CNBD1: variants seen among roughly 807,000 people sequenced by gnomAD.
The protein encoded by CNBD1 is cyclic nucleotide-binding domain-containing protein 1.
CNBD1 carries 71 observed loss-of-function variants against 54.4 expected under a neutral mutation model. That is an observed-to-expected ratio of 1.30 (90% CI 1.08 to 1.59). The LOEUF (loss-of-function observed/expected upper bound fraction) is 1.59. Among genes scored for constraint, CNBD1 ranks in the 40% most tolerant of loss-of-function variants. The pLI, the probability that CNBD1 is intolerant of heterozygous loss-of-function variation, is 0.00. For synonymous variants in CNBD1, 182 were observed against 170.7 expected (o/e 1.07, Z -0.51); for missense variants, 659 against 518.0 (o/e 1.27, Z -2.64).
intron 2 of CNBD1, among the ~76,000 whole-genome samples, chr8:87,388,699 T>C (rs577182971): frequency 6.6e-6 from 1 of 152,230 alleles, no homozygotes; most frequent in East Asian, 1.9e-4. Flanking sequence ...CCATTCCTTC[T>C]GAAACTATTC....
chr8:87,322,674 G>A (rs1293389629), intron 8 of CNBD1, among the ~76,000 whole-genome samples: 1 of 76,496 alleles, frequency 1.3e-5, no homozygotes, highest in Non-Finnish European at 2.8e-5. Flanking sequence ...TTGTAAATTT[G>A]TTTGAGTTCA....
chr8:86,985,091 T>C (rs1456617739), intron 4 of CNBD1, among the ~76,000 whole-genome samples: 1 of 152,150 alleles, frequency 6.6e-6, no homozygotes, highest in Non-Finnish European at 1.5e-5. Flanking sequence ...CTTGTGATAG[T>C]GAATAAGTCT....
chr8:87,160,120 TATC>T (rs1325967528), intron 4 of CNBD1, among the ~76,000 whole-genome samples: 4 of 152,050 alleles, frequency 2.6e-5, no homozygotes, highest in African/African-American at 9.7e-5. Context: ...GGAAGATGAT[TATC>T]ATATCATTTG....
intron 10 of CNBD1, among the ~76,000 whole-genome samples, chr8:87,376,549 A>G (rs1810943489): frequency 6.6e-6 from 1 of 151,946 alleles, no homozygotes. Flanking sequence ...AAATATCCTG[A>G]CAGATGTGAA....
chr8:86,898,190 G>T (rs1808876586), intron 2 of CNBD1, among the ~76,000 whole-genome samples: 1 of 152,034 alleles, frequency 6.6e-6, no homozygotes, highest in Non-Finnish European at 1.5e-5. Flanking sequence ...ATATCTACTG[G>T]TTCACTGAAA....
intron 4 of CNBD1, among the ~76,000 whole-genome samples, chr8:87,114,551 A>G (rs1039235818): frequency 2.3e-4 from 35 of 150,138 alleles, no homozygotes; most frequent in African/African-American, 8.7e-4. Flanking sequence ...GGGTTTCACC[A>G]TGTTGGCCTG....
intron 4 of CNBD1, among the ~76,000 whole-genome samples, chr8:87,205,222 C>G (rs1479482159): frequency 6.6e-6 from 1 of 152,038 alleles, no homozygotes; most frequent in African/African-American, 2.4e-5. Context: ...TTAGTAGAGA[C>G]AGGGTTTCAC....
At chr8:86,947,682 G>A (rs1324765786) in intron 4 of CNBD1, among the ~76,000 whole-genome samples, 1 of 151,990 alleles carries the variant, frequency 6.6e-6, no homozygotes, top group Admixed American at 6.6e-5. Flanking sequence ...GAGATGTTTT[G>A]ATACAGGCAT....
chr8:87,205,974 ATTTTT>A lies in CNBD1; in HGVS notation c.432-8_432-4del. ...TTTATGCCATGGTCTCTGAATTTGT[ATTTTT>A]TTTTTTTTTTGAGGCCCATTCACAG... On this transcript the variant is annotated splice_polypyrimidine_tract_variant and intron_variant, in intron 4 of 10. Coordinates refer to ENST00000518476, the MANE Select transcript of CNBD1 (RefSeq NM_173538.3). 5.5e-6 allele frequency: 7 copies of A among 1,281,160 alleles called. No individual in the cohort carries two copies. Among genetic ancestry groups the A allele is most frequent in the South Asian group, 5.4e-5 (3 of 55,638 alleles). 79.4% of individuals were successfully genotyped at this position (1,281,160 alleles called of 1,614,324 possible).
intron 4 of CNBD1, among the ~76,000 whole-genome samples, chr8:86,944,019 G>A (rs1199675637): frequency 6.6e-6 from 1 of 152,176 alleles, no homozygotes; most frequent in African/African-American, 2.4e-5. Context: ...GATTGTTGTA[G>A]TTTATTTTTA....
chr8:87,236,568 C>T (rs1183427317), intron 5 of CNBD1, among the ~76,000 whole-genome samples: 3 of 151,816 alleles, frequency 2.0e-5, no homozygotes, highest in African/African-American at 4.8e-5. Flanking sequence ...GGCTCATAAA[C>T]ATTAAAAAAC....
At position 87,194,850 on chromosome 8, in the gene CNBD1, A is replaced by G. The variant is rs1439604091; in HGVS notation, c.432-11143A>G. Among the ~76,000 whole-genome samples the G allele has an allele frequency of 2.0e-5, 3 of 150,946 alleles. No homozygotes were observed. In the East Asian group the frequency reaches 5.8e-4, roughly 29 times the overall value. ...GCATTTGCAACATGATTTGTTCTTC[A>G]TGTAGTGTCTTTTTTTGTTGTTTTT... On this transcript the variant is annotated intron_variant, in intron 4 of 10. Coordinates refer to ENST00000518476, the MANE Select transcript of CNBD1 (RefSeq NM_173538.3).
intron 6 of CNBD1, among the ~76,000 whole-genome samples, chr8:87,265,081 T>C (rs1390708707): frequency 1.3e-5 from 2 of 152,168 alleles, no homozygotes; most frequent in Non-Finnish European, 2.9e-5. Context: ...TGCCCATGCC[T>C]ATGTCCTGAA....
At chr8:87,213,798 G>A in intron 5 of CNBD1, among the ~76,000 whole-genome samples, 1 of 152,124 alleles carries the variant, frequency 6.6e-6, no homozygotes, top group East Asian at 1.9e-4. Context: ...TAACGCAAAA[G>A]TCCACAGTCC....
chr8:87,314,801 T>C (rs1199186876), intron 8 of CNBD1, among the ~76,000 whole-genome samples: 2 of 151,786 alleles, frequency 1.3e-5, no homozygotes, highest in Non-Finnish European at 2.9e-5. Context: ...ATACTAAATA[T>C]CTAGAAAAAA....
Position 86,929,636 on chromosome 8 carries a change from T to A in CNBD1, c.273-9960T>A, listed in dbSNP as rs143721167. ...GGAGAAAAATAGCAGGGTTGAAGGC[T>A]GCACACATGCGAATTTGAAGCATCA... On this transcript the variant is annotated intron_variant, in intron 3 of 10. Transcript: ENST00000518476. Among the ~76,000 whole-genome samples, 12 of 152,306 alleles carry A rather than the reference T, an allele frequency of 7.9e-5. No individual in the cohort carries two copies. The South Asian group carries it at 2.3e-3, about 29-fold the overall frequency.
chr8:87,161,926 A>G (rs1812866284), intron 4 of CNBD1, among the ~76,000 whole-genome samples: 1 of 152,088 alleles, frequency 6.6e-6, no homozygotes, highest in Non-Finnish European at 1.5e-5. Flanking sequence ...CTTCTTTTGC[A>G]TGAATTAGAA....
intron 3 of CNBD1, among the ~76,000 whole-genome samples, chr8:86,937,966 C>T (rs1809581178): frequency 6.6e-6 from 1 of 152,188 alleles, no homozygotes; most frequent in Non-Finnish European, 1.5e-5. Context: ...CCCTTTTAAA[C>T]ATAAGTTCCA....
At chr8:87,241,309 C>T (rs966433766) in intron 6 of CNBD1, among the ~76,000 whole-genome samples, 18 of 117,184 alleles carry the variant, frequency 1.5e-4, no homozygotes, top group Admixed American at 1.1e-3. Context: ...CTCGCTCTGT[C>T]GCCCAGGCTG....
Sources: gnomAD v4.1 joint callset for allele counts (sites outside exome capture counted in the v4.1 genomes callset) on GRCh38, gnomAD v4.1.1 for gene constraint, MANE v1.5 for transcripts, NCBI Gene and HGNC (gene_info 2026-07-23, HGNC 2026-07-21) for gene names.